The following KMT2C variants were observed in gnomAD, a reference collection of about 807,000 sequenced individuals.
KMT2C encodes the protein lysine methyltransferase 2C, also known as histone-lysine N-methyltransferase 2C.
A neutral mutation model predicts 507.9 loss-of-function variants in KMT2C; 88 were observed. That is an observed-to-expected ratio of 0.17 (90% confidence interval 0.15 to 0.21). The LOEUF is 0.21. Ranked by LOEUF, KMT2C falls within the 10% of genes least tolerant of loss-of-function variation. The probability of loss-of-function intolerance (pLI) is 1.00; values close to 1 mark genes in which losing one functional copy is unlikely to be tolerated. For missense variants in KMT2C, 4,954 were observed against 5,957.8 expected (o/e 0.83, Z 5.55); for synonymous variants, 2,049 against 2,080.8 (o/e 0.98, Z 0.42).
chr7:152,140,105 TC>T (rs1159974075), intron 55 of KMT2C, among the ~76,000 whole-genome samples: 1 of 152,216 alleles, frequency 6.6e-6, no homozygotes, highest in African/African-American at 2.4e-5. Flanking sequence ...ATAGCTGAGT[TC>T]CCACCAACTA....
chr7:152,187,503 T>C (rs1383239876), intron 32 of KMT2C, 27 bp from the exon 33 acceptor site: 2 of 1,578,366 alleles, frequency 1.3e-6, no homozygotes. Context: ...ATCTTTACTT[T>C]ATGAACATAA....
chr7:152,434,384 A>G (rs1465339130), intron 1 of KMT2C, among the ~76,000 whole-genome samples: 1 of 152,216 alleles, frequency 6.6e-6, no homozygotes, highest in Non-Finnish European at 1.5e-5. Flanking sequence ...AAAAGAGCAC[A>G]TTCAAGTCAA....
chr7:152,315,954 A>G (rs1205518754), intron 3 of KMT2C, among the ~76,000 whole-genome samples: 3 of 152,162 alleles, frequency 2.0e-5, no homozygotes, highest in South Asian at 2.1e-4. Flanking sequence ...GAAAGAAGGT[A>G]GAGTTTAGTA....
At position 152,184,124 on chromosome 7, in the gene KMT2C, TA is replaced by T. The variant is rs137962743; in HGVS notation, c.5083-969del. ...AAAAGGAAAAATATCCAATCAGTCT[TA>T]AAAAAAAAAAAATCTGGATATTTGA... is the stretch of plus-strand genomic sequence containing the variant. On this transcript the variant is annotated intron_variant, in intron 34 of 58. Coordinates refer to ENST00000262189, the MANE Select transcript of KMT2C (RefSeq NM_170606.3). Among the ~76,000 whole-genome samples, 1,107 of 136,682 alleles carry T rather than the reference TA, an allele frequency of 8.1e-3. 3 individuals carry two copies. Among genetic ancestry groups the T allele is most frequent in the African/African-American group, 0.014 (526 of 37,132 alleles). The allele number at this position is 136,682 out of a possible 152,430, so 89.7% of individuals were successfully genotyped here. A position where few individuals can be genotyped will look rare whatever the true frequency, so the allele number is the denominator to read the frequency against.
intron 1 of KMT2C, among the ~76,000 whole-genome samples, chr7:152,429,815 A>G (rs7790805): frequency 0.36 from 53,674 of 151,062 alleles, 9,638 homozygotes; most frequent in Middle Eastern, 0.39. Flanking sequence ...CACCGTGCCC[A>G]GCCTTTCTAT....
chr7:152,154,301 G>T lies in KMT2C; in HGVS notation c.12105C>A (p.Pro4035=). 1 of 1,614,206 alleles carries T rather than the reference G, an allele frequency of 6.2e-7. No individual in the cohort carries two copies. Among genetic ancestry groups the T allele is most frequent in the East Asian group, 2.2e-5 (1 of 44,884 alleles). Reference sequence around the variant, plus strand: ...CAGTGCTAGGAAGAATTGGAATGATGGGGGACGGCACCGGTTCTGGAGGCT... The same window carrying T: ...CAGTGCTAGGAAGAATTGGAATGATTGGGGACGGCACCGGTTCTGGAGGCT... ...KEEPPEPVPS[P]IIPILPSTAG... is the part of the protein sequence containing the mutation. Residue 4035 remains proline (P), a synonymous_variant, in exon 47 of 59, where the codon CCC becomes CCA. Coordinates refer to ENST00000262189, the MANE Select transcript of KMT2C (RefSeq NM_170606.3).
chr7:152,332,416 A>T (rs2096892749), intron 2 of KMT2C, among the ~76,000 whole-genome samples: 1 of 152,152 alleles, frequency 6.6e-6, no homozygotes, highest in South Asian at 2.1e-4. Context: ...CAAACAAACA[A>T]AAACATCTTA....
chr7:152,157,895 T>TTGGTTCCTCTA, intron 44 of KMT2C: 1 of 1,338,796 alleles, frequency 7.5e-7, no homozygotes, highest in African/African-American at 1.5e-5. Context: ...ACTCCAATGA[T>TTGGTTCCTCTA]TGGTTCCATT....
intron 36 of KMT2C, 65 bp from the exon 37 acceptor site, chr7:152,180,191 G>C (rs2129118555): frequency 6.5e-7 from 1 of 1,545,196 alleles, no homozygotes; most frequent in South Asian, 1.1e-5. Flanking sequence ...AAGGTTACTG[G>C]CTTTTTATTT....
chr7:152,362,845 A>C (rs1315782498), intron 1 of KMT2C, among the ~76,000 whole-genome samples: 1 of 152,146 alleles, frequency 6.6e-6, no homozygotes, highest in East Asian at 1.9e-4. Flanking sequence ...TTTGCTTTTC[A>C]AATTTTTCTT....
intron 1 of KMT2C, among the ~76,000 whole-genome samples, chr7:152,370,906 CAT>C: frequency 6.6e-6 from 1 of 152,316 alleles, no homozygotes; most frequent in Non-Finnish European, 1.5e-5. Context: ...CAACAGACAG[CAT>C]ATTGCCAGCA....
intron 55 of KMT2C, among the ~76,000 whole-genome samples, chr7:152,142,184 T>C (rs1030748370): frequency 6.6e-6 from 1 of 152,242 alleles, no homozygotes; most frequent in African/African-American, 2.4e-5. Context: ...CAAGACTAGA[T>C]GCAACAGAAA....
chr7:152,387,525 C>T (rs1255410094), intron 1 of KMT2C, among the ~76,000 whole-genome samples: 2 of 144,024 alleles, frequency 1.4e-5, no homozygotes, highest in Non-Finnish European at 3.0e-5. Flanking sequence ...GGCTGGAGTG[C>T]AGTGGTGCCA....
chr7:152,300,009 TATC>T (rs2096552723), intron 6 of KMT2C, among the ~76,000 whole-genome samples: 1 of 152,158 alleles, frequency 6.6e-6, no homozygotes, highest in African/African-American at 2.4e-5. Flanking sequence ...CAGTCAAAAG[TATC>T]ATTAACAGTC....
chr7:152,161,227 C>T (rs573654169), intron 43 of KMT2C, among the ~76,000 whole-genome samples: 6 of 152,214 alleles, frequency 3.9e-5, no homozygotes, highest in African/African-American at 1.4e-4. Flanking sequence ...TCAATCTCTA[C>T]TGAATGGTCA....
At position 152,205,201 on chromosome 7, in the gene KMT2C, T is replaced by C. The variant is rs1174822708; in HGVS notation, c.3866A>G (p.Gln1289Arg). The C allele has an allele frequency of 1.2e-6, 2 of 1,611,350 alleles. No individual in the cohort carries two copies. Among genetic ancestry groups the C allele is most frequent in the South Asian group, 1.1e-5 (1 of 90,966 alleles). Residue 1289 changes from glutamine (Q) to arginine (R), a missense_variant, in exon 25 of 59, where the codon CAA becomes CGA. Around this residue, in one of 29 missense-constraint regions of KMT2C, gnomAD observed 176 missense variants for 262.0 expected, o/e 0.67. Coordinates refer to ENST00000262189, the MANE Select transcript of KMT2C (RefSeq NM_170606.3). Reference protein sequence around the residue: ...RPGIGGFMVRQRSRTGQGKTK... With the variant: ...RPGIGGFMVRRRSRTGQGKTK... ...TTTCCCTTGCCCAGTTCGACTTCTTTGCCGCACCATAAATCCACCAATACC... is the reference window on the plus strand; with the variant it reads ...TTTCCCTTGCCCAGTTCGACTTCTTCGCCGCACCATAAATCCACCAATACC...
At chr7:152,251,000 A>G (rs774800671) in intron 11 of KMT2C, 34 bp from the exon 12 acceptor site, 1 of 1,248,312 alleles carries the variant, frequency 8.0e-7, no homozygotes, top group Non-Finnish European at 1.2e-6. Flanking sequence ...TTAGCTCAGA[A>G]TGAGTTTTTT....
Position 152,162,339 on chromosome 7 carries a change from T to G in KMT2C, c.11238A>C (p.Gly3746=), listed in dbSNP as rs775673577. The part of the protein sequence containing the change: ...LEEQNGSKVE[G]NAVACPVSSA... ...AGGAGACAGGACAGGCTACAGCGTT[T>G]CCTTCTACCTTACTACCATTCTGTT... The change falls in exon 43 of 59, where the codon GGA becomes GGC. Residue 3746 remains glycine, a synonymous_variant. Transcript: ENST00000262189. 11 of 1,614,232 alleles carry G rather than the reference T, an allele frequency of 6.8e-6. No homozygotes were observed. The highest frequency in any genetic ancestry group is 9.3e-6 in the Non-Finnish European group (11 of 1,180,040).
intron 53 of KMT2C, 33 bp downstream of exon 53, chr7:152,146,566 A>G: frequency 6.2e-7 from 1 of 1,611,108 alleles, no homozygotes; most frequent in South Asian, 1.1e-5. Context: ...CAGGAAAGCA[A>G]TTCCAATCTC....
Sources: gnomAD v4.1 joint callset for allele counts (sites outside exome capture counted in the v4.1 genomes callset) on GRCh38, gnomAD v4.1.1 for gene constraint, gnomAD v4.1.1 regional missense constraint, MANE v1.5 for transcripts, NCBI Gene and HGNC (gene_info 2026-07-23, HGNC 2026-07-21) for gene names.